NINL: variants seen among roughly 807,000 people sequenced by gnomAD.
NINL encodes ninein-like protein.
In NINL, 153 loss-of-function variants were observed where a neutral mutation model predicts 160.3. That is an observed-to-expected ratio of 0.95 (90% confidence interval 0.84 to 1.09). NINL has a LOEUF of 1.09. NINL is among the 50% of genes least tolerant of loss of function. The pLI, the probability that NINL is intolerant of heterozygous loss-of-function variation, is 0.00. For missense variants in NINL, 1,829 were observed against 1,764.0 expected (o/e 1.04, Z -0.66); for synonymous variants, 800 against 734.8 (o/e 1.09, Z -1.43).
In NINL at chr20:25,517,486, G is replaced by C. The variant is rs1601202016; in HGVS notation, c.277+267C>G. 1.3e-5 allele frequency among the ~76,000 whole-genome samples: 2 copies of C among 152,342 alleles called. 1 individual carries two copies. Among genetic ancestry groups the C allele is most frequent in the South Asian group, 4.1e-4 (2 of 4,828 alleles). ...CCTGTGTCCCAGCAGCCCTGTCCCT[G>C]TAACAGGATTCCGATCAGTCACATT... On this transcript the variant is annotated intron_variant, in intron 3 of 23. Coordinates refer to ENST00000278886, the MANE Select transcript of NINL (RefSeq NM_025176.6).
At chr20:25,469,932 T>G in intron 18 of NINL, 59 bp downstream of exon 18, 1 of 1,146,122 alleles carries the variant, frequency 8.7e-7, no homozygotes, top group Non-Finnish European at 1.3e-6. Context: ...CTGCATAAGG[T>G]CACTCTACGG....
At chr20:25,519,416 G>A (rs2064223135) in intron 2 of NINL, among the ~76,000 whole-genome samples, 3 of 151,998 alleles carry the variant, frequency 2.0e-5, no homozygotes, top group Admixed American at 1.3e-4. Flanking sequence ...CTTTCCATCT[G>A]GAATAATTTT....
rs765163952 is a variant in NINL at position 25,476,484 on chromosome 20, G to A, written c.2807C>T (p.Pro936Leu). 2 of 1,605,586 alleles carry A rather than the reference G, an allele frequency of 1.2e-6. No homozygotes were observed. The highest frequency in any genetic ancestry group is 2.2e-5 in the South Asian group (2 of 91,076). Residue 936 changes from proline to leucine, a missense_variant, in exon 17 of 24, where the codon CCT (proline) becomes CTT (leucine). By Grantham distance (98) the Pro-to-Leu change is moderately conservative. Transcript: ENST00000278886. ...FGASAAGLEQ[P>L]GARELPLLGT... ...CAGCAGAGGCAGCTCCCGGGCTCCA[G>A]GCTGCTCCAGCCCCGCTGCGCTCGC...
At chr20:25,502,655 G>C (rs1306829376) in intron 7 of NINL, among the ~76,000 whole-genome samples, 1 of 152,144 alleles carries the variant, frequency 6.6e-6, no homozygotes, top group Non-Finnish European at 1.5e-5. Context: ...TCTCACAAAT[G>C]GTTTAGCACC....
At chr20:25,516,870 C>T (rs898236650) in intron 3 of NINL, among the ~76,000 whole-genome samples, 3 of 152,144 alleles carry the variant, frequency 2.0e-5, no homozygotes, top group African/African-American at 7.2e-5. Context: ...AGTGCACACA[C>T]AAGGGCCCAG....
At position 25,512,978 on chromosome 20, in the gene NINL, A is replaced by G. The variant is rs983743863; in HGVS notation, c.306T>C (p.Tyr102=). The G allele has an allele frequency of 1.9e-6, 3 of 1,607,940 alleles. No individual in the cohort carries two copies. The highest frequency in any genetic ancestry group is 3.4e-5 in the Admixed American group (2 of 59,292). Reference sequence around the variant, plus strand: ...GGCCATACCACTTAGAACCATTCACATACTTTGGAGGGATGGCACTGGAGG... The same window carrying G: ...GGCCATACCACTTAGAACCATTCACGTACTTTGGAGGGATGGCACTGGAGG... ...SAASSAIPPK[Y]VNGSKWYGRR... The change falls in exon 4 of 24, where the codon TAT becomes TAC. Residue 102 remains tyrosine, a synonymous_variant. Coordinates refer to ENST00000278886, the MANE Select transcript of NINL (RefSeq NM_025176.6).
intron 1 of NINL, among the ~76,000 whole-genome samples, chr20:25,564,049 C>CA (rs1179048188): frequency 6.6e-6 from 1 of 151,418 alleles, no homozygotes; most frequent in East Asian, 1.9e-4. Flanking sequence ...CTCATCTCTA[C>CA]AAAAAAATCA....
intron 14 of NINL, among the ~76,000 whole-genome samples, chr20:25,480,567 C>A (rs1050380639): frequency 6.6e-6 from 1 of 152,130 alleles, no homozygotes. Flanking sequence ...CCTGAAGATG[C>A]CAGGGTCACG....
intron 1 of NINL, among the ~76,000 whole-genome samples, chr20:25,530,309 T>C (rs2064434622): frequency 6.6e-6 from 1 of 152,180 alleles, no homozygotes. Flanking sequence ...GAACACATTA[T>C]TTTCCAACTT....
intron 1 of NINL, among the ~76,000 whole-genome samples, chr20:25,527,396 G>A (rs951298103): frequency 2.6e-5 from 4 of 152,022 alleles, no homozygotes; most frequent in African/African-American, 7.2e-5. Flanking sequence ...TCAAGTGATC[G>A]CCTGCCTTGG....
intron 1 of NINL, among the ~76,000 whole-genome samples, chr20:25,569,537 G>A (rs1344412257): frequency 1.3e-5 from 2 of 152,216 alleles, no homozygotes; most frequent in Non-Finnish European, 2.9e-5. Context: ...AGCAGCCAGC[G>A]GCCCATGTCT....
chr20:25,494,829 T>C (rs1382291471), intron 10 of NINL, among the ~76,000 whole-genome samples: 1 of 152,240 alleles, frequency 6.6e-6, no homozygotes, highest in Non-Finnish European at 1.5e-5. Context: ...GGAGAGTGGC[T>C]GGGCTCTGCC....
In NINL at chr20:25,452,908, C is replaced by T. The variant is rs1481001834; in HGVS notation, c.*543G>A. 1 of 152,284 alleles carries T rather than the reference C, an allele frequency of 6.6e-6. No individual in the cohort carries two copies. Among genetic ancestry groups the T allele is most frequent in the Non-Finnish European group, 1.5e-5 (1 of 68,022 alleles). The allele number at this position is 152,284 out of a possible 1,614,324, so 9.4% of individuals were successfully genotyped here. On this transcript the variant is annotated 3_prime_UTR_variant, in exon 24 of 24. Transcript: ENST00000278886. ...GCAATAAACACCATCATTCCTGAGT[C>T]CACAGATAAGGTCCCCGGAGAAGGG...
chr20:25,535,704 TAAAG>T (rs1268491710), intron 1 of NINL, among the ~76,000 whole-genome samples: 3 of 152,080 alleles, frequency 2.0e-5, no homozygotes, highest in African/African-American at 4.8e-5. Context: ...TTTTTAAAAA[TAAAG>T]AAAGAAAAGT....
intron 10 of NINL, among the ~76,000 whole-genome samples, chr20:25,495,981 T>C (rs922625329): frequency 6.6e-6 from 1 of 152,030 alleles, no homozygotes; most frequent in Admixed American, 6.6e-5. Context: ...CCATCTCTAC[T>C]AAAAATACAA....
At chr20:25,496,941 C>T in intron 9 of NINL, 138 bp from the exon 10 acceptor site, 1 of 1,137,974 alleles carries the variant, frequency 8.8e-7, no homozygotes, top group East Asian at 2.5e-5. Context: ...GCTCCACCAG[C>T]CTGCTCCTAA....
Position 25,568,795 on chromosome 20 carries a change from T to C in NINL, c.-12+16660A>G, listed in dbSNP as rs150013394. ...GCAGCCCTGAAATTGAAGAAAGAAA[T>C]TGAATTTGGAATTGAGTGTGGTGGC... On this transcript the variant is annotated intron_variant, in intron 1 of 23. Coordinates refer to ENST00000278886, the MANE Select transcript of NINL (RefSeq NM_025176.6). 6.3e-4 allele frequency among the ~76,000 whole-genome samples: 96 copies of C among 152,042 alleles called. No individual in the cohort carries two copies. In the East Asian group the frequency reaches 0.016, roughly 26 times the overall value.
Position 25,491,634 on chromosome 20 carries a change from A to G in NINL, c.1311-109T>C, listed in dbSNP as rs1601131501. The G allele has an allele frequency of 8.9e-6, 12 of 1,343,294 alleles. No homozygotes were observed. In the East Asian group the frequency reaches 2.7e-4, roughly 30 times the overall value. The allele number at this position is 1,343,294 out of a possible 1,614,324, so 83.2% of individuals were successfully genotyped here. A position where few individuals can be genotyped will look rare whatever the true frequency, so the allele number is the denominator to read the frequency against. On this transcript the variant is annotated intron_variant, in intron 10 of 23. Transcript: ENST00000278886. ...TCTTAGAAACGCCCCTGTCCTCAGC[A>G]CGTGCAGGGCCGCCCTGCCTTGGCT... is the stretch of plus-strand genomic sequence containing the variant.
At chr20:25,491,760 A>T (rs1241915511) in intron 10 of NINL, among the ~76,000 whole-genome samples, 1 of 152,240 alleles carries the variant, frequency 6.6e-6, no homozygotes, top group Non-Finnish European at 1.5e-5. Context: ...TCACATGGCA[A>T]ATGCCACCAG....
Sources: allele counts gnomAD v4.1 joint callset (sites outside exome capture counted in the v4.1 genomes callset), GRCh38; gene constraint gnomAD v4.1.1; transcripts MANE v1.5; gene names NCBI Gene and HGNC (gene_info 2026-07-23, HGNC 2026-07-21).